SRL: variants seen among roughly 807,000 people sequenced by gnomAD.
The protein encoded by SRL is sarcalumenin.
In SRL, 23 loss-of-function variants were observed where a neutral mutation model predicts 39.5. The ratio of observed to expected loss-of-function variants is 0.58; its 90% CI spans 0.42 to 0.82. The LOEUF is 0.82. Among genes scored for constraint, SRL ranks in the 40% least tolerant of loss-of-function variants. The pLI is 0.00. For synonymous variants in SRL, 272 were observed against 237.4 expected, an observed-to-expected ratio of 1.15 and a Z score of -1.34; for missense variants, 592 against 607.8, an observed-to-expected ratio of 0.97 and a Z score of 0.27.
intron 4 of SRL, 133 bp from the exon 5 acceptor site, chr16:4,195,919 G>A (rs1425787905): frequency 5.6e-6 from 4 of 709,616 alleles, no homozygotes; most frequent in Non-Finnish European, 9.2e-6. Flanking sequence ...AAGCTATTGG[G>A]GCTTTCTTTT....
intron 1 of SRL, among the ~76,000 whole-genome samples, chr16:4,212,357 C>T (rs2052403551): frequency 6.6e-6 from 1 of 152,172 alleles, no homozygotes; most frequent in South Asian, 2.1e-4. Flanking sequence ...AGCAGCTGTG[C>T]CACTGGACCC....
chr16:4,241,586 T>C (rs2052773808), intron 1 of SRL, among the ~76,000 whole-genome samples: 1 of 152,224 alleles, frequency 6.6e-6, no homozygotes, highest in African/African-American at 2.4e-5. Context: ...CCAGTTCTCT[T>C]ACCCGAGTGG....
chr16:4,241,426 C>T (rs559745832), intron 1 of SRL, among the ~76,000 whole-genome samples: 10 of 152,308 alleles, frequency 6.6e-5, no homozygotes, highest in East Asian at 1.9e-4. Context: ...GAACGGGCCC[C>T]GTTCCTCTTC....
Position 4,204,584 on chromosome 16 carries a change from T to C in SRL, c.112A>G (p.Ile38Val), listed in dbSNP as rs2052292708. 6.8e-6 allele frequency: 11 copies of C among 1,614,236 alleles called. No individual in the cohort carries two copies. Among genetic ancestry groups the C allele is most frequent in the Non-Finnish European group, 9.3e-6 (11 of 1,180,042 alleles). The change falls in exon 2 of 6, where the codon ATC becomes GTC. Residue 38 changes from isoleucine (I) to valine (V), a missense_variant. Ile to Val is a conservative substitution (Grantham distance 29, BLOSUM62 3). Transcript: ENST00000399609. ...TCATTCAGCATGAGGGTCTTCTCGATGTGGGAGCGGTCCCTCAATGGGGCT... is the reference window on the plus strand; with the variant it reads ...TCATTCAGCATGAGGGTCTTCTCGACGTGGGAGCGGTCCCTCAATGGGGCT... ...EEAPLRDRSH[I>V]EKTLMLNEDK...
At chr16:4,203,073 C>T (rs539198669) in intron 3 of SRL, 93 bp downstream of exon 3, 92 of 1,101,898 alleles carry the variant, frequency 8.3e-5, no homozygotes, top group African/African-American at 6.2e-4. Context: ...GTGTGGGTAC[C>T]GGGAGAGTCC....
intron 1 of SRL, chr16:4,207,455 T>C (rs1249190329): frequency 6.6e-6 from 3 of 456,740 alleles, no homozygotes; most frequent in Non-Finnish European, 1.3e-5. Context: ...CCTCTGGCAC[T>C]GCAGGCTCCT....
intron 3 of SRL, among the ~76,000 whole-genome samples, chr16:4,199,364 CTTTTTTTTTTT>C (rs71139622): frequency 1.2e-5 from 1 of 84,604 alleles, no homozygotes; most frequent in Admixed American, 1.8e-4. Context: ...TATTCCCCAT[CTTTTTTTTTTT>C]TTTTTTTTTT....
intron 1 of SRL, among the ~76,000 whole-genome samples, chr16:4,238,729 C>T (rs1003771317): frequency 4.0e-5 from 6 of 151,432 alleles, no homozygotes; most frequent in South Asian, 2.1e-4. Context: ...TTCATGTGAT[C>T]CTCCCCCCTC....
At chr16:4,200,007 A>G (rs1230555844) in intron 3 of SRL, among the ~76,000 whole-genome samples, 1 of 151,994 alleles carries the variant, frequency 6.6e-6, no homozygotes, top group Non-Finnish European at 1.5e-5. Flanking sequence ...CCATCTTTTT[A>G]CAGAGAGCGT....
chr16:4,199,139 C>T (rs1567175450), intron 3 of SRL, among the ~76,000 whole-genome samples: 1 of 152,012 alleles, frequency 6.6e-6, no homozygotes, highest in Non-Finnish European at 1.5e-5. Flanking sequence ...ACACTAGGCA[C>T]TCCCCTTTTG....
In SRL at chr16:4,192,676, G is replaced by A. The variant is rs763106612; in HGVS notation, c.899C>T (p.Pro300Leu). The A allele has an allele frequency of 3.7e-6, 6 of 1,613,988 alleles. No individual in the cohort carries two copies. In the Admixed American group the frequency reaches 8.3e-5, roughly 22 times the overall value. ...VSSFWPQEYK[P>L]DTHQELFLQE... ...GAGGAACAGTTCCTGATGGGTGTCCGGCTTATACTCTTGTGGCCAGAAGGA... is the reference window on the plus strand; with the variant it reads ...GAGGAACAGTTCCTGATGGGTGTCCAGCTTATACTCTTGTGGCCAGAAGGA... The change falls in exon 6 of 6, where the codon CCG (proline) becomes CTG (leucine). Residue 300 changes from proline to leucine, a missense_variant. Physicochemically the swap from Pro to Leu is moderately conservative, Grantham distance 98. Transcript: ENST00000399609. This position sits in a 1 kb window ranked among gnomAD's most constrained non-coding sequence, Gnocchi z 4.0.
At chr16:4,203,502 G>GT (rs2052267095) in intron 2 of SRL, among the ~76,000 whole-genome samples, 1 of 152,122 alleles carries the variant, frequency 6.6e-6, no homozygotes, top group Admixed American at 6.6e-5. Flanking sequence ...TTCCTGAACT[G>GT]TTTGGTTATT....
Position 4,197,816 on chromosome 16 carries a change from C to G in SRL, c.359G>C (p.Arg120Pro), listed in dbSNP as rs754616831. 7 of 1,607,554 alleles carry G rather than the reference C, an allele frequency of 4.4e-6. No homozygotes were observed. The East Asian group carries it at 6.7e-5, about 15-fold the overall frequency. The change falls in exon 4 of 6, where the codon CGC (arginine) becomes CCC (proline). Residue 120 changes from arginine (R) to proline (P), a missense_variant. Coordinates refer to ENST00000399609, the MANE Select transcript of SRL (RefSeq NM_001098814.2). ...INYLLGLENT[R>P]YQLYTGAEPT... ...TTGATTACCTGTATAGAGCTGATAG[C>G]GAGTATTTTCCAGCCCAAGGAGGTA... is the stretch of plus-strand genomic sequence containing the variant.
At chr16:4,217,247 C>T (rs986967843) in intron 1 of SRL, among the ~76,000 whole-genome samples, 1 of 152,030 alleles carries the variant, frequency 6.6e-6, no homozygotes, top group Non-Finnish European at 1.5e-5. Flanking sequence ...GGGTTCTGCC[C>T]CTTACTCTTT....
At chr16:4,228,412 G>T (rs2141063921) in intron 1 of SRL, among the ~76,000 whole-genome samples, 1 of 152,182 alleles carries the variant, frequency 6.6e-6, no homozygotes, top group East Asian at 1.9e-4. Flanking sequence ...CTCCAACCCG[G>T]GCGACAGAGC....
intron 5 of SRL, among the ~76,000 whole-genome samples, chr16:4,195,085 G>C (rs905394302): frequency 6.6e-6 from 1 of 151,938 alleles, no homozygotes; most frequent in African/African-American, 2.4e-5. Flanking sequence ...TGTAGAGGCG[G>C]GGTTTTGCCA....
intron 1 of SRL, among the ~76,000 whole-genome samples, chr16:4,221,105 G>C (rs111629782): frequency 6.6e-6 from 1 of 151,588 alleles, no homozygotes; most frequent in Non-Finnish European, 1.5e-5. Context: ...CTGGAGTGCA[G>C]TGGCACTATC....
At chr16:4,221,257 C>T (rs955073374) in intron 1 of SRL, among the ~76,000 whole-genome samples, 1 of 152,150 alleles carries the variant, frequency 6.6e-6, no homozygotes, top group Non-Finnish European at 1.5e-5. Flanking sequence ...CCATGTTAGC[C>T]AGGATGGTCT....
chr16:4,203,397 G>A (rs1236274121), intron 2 of SRL, 136 bp from the exon 3 acceptor site: 4 of 668,234 alleles, frequency 6.0e-6, no homozygotes, highest in East Asian at 2.7e-5. Flanking sequence ...GCAGCCCAGC[G>A]ACTGTGCAAT....
Sources: allele counts gnomAD v4.1 joint callset (sites outside exome capture counted in the v4.1 genomes callset), GRCh38; gene constraint gnomAD v4.1.1; non-coding constraint Gnocchi (gnomAD v3.1); transcripts MANE v1.5; gene names NCBI Gene and HGNC (gene_info 2026-07-23, HGNC 2026-07-21).